EDA: variants seen among roughly 807,000 people sequenced by gnomAD.
EDA encodes the protein ectodysplasin-A.
Under a neutral mutation model 23.6 loss-of-function variants are expected in EDA, and 2 were observed. The observed-to-expected ratio is 0.08, with a 90% CI of 0.03 to 0.27. The LOEUF (loss-of-function observed/expected upper bound fraction) is 0.27, where lower values mean the gene tolerates loss of function less well. EDA is among the 10% of genes least tolerant of loss of function. The pLI is 1.00. For synonymous variants in EDA, 131 were observed against 132.0 expected (o/e 0.99, Z 0.05); for missense variants, 229 against 324.2 (o/e 0.71, Z 2.26).
chrX:70,003,823 A>G (rs761741074), intron 2 of EDA, among the ~76,000 whole-genome samples: 30 of 112,085 alleles, frequency 2.7e-4, no homozygotes, highest in Non-Finnish European at 4.9e-4. Context: ...TTCCTTAACC[A>G]TGTGTTTCCC....
At chrX:69,977,968 A>G in intron 2 of EDA, among the ~76,000 whole-genome samples, 1 of 110,741 alleles carries the variant, frequency 9.0e-6, no homozygotes. Flanking sequence ...ACTAAATACC[A>G]TATAAATATG....
intron 2 of EDA, among the ~76,000 whole-genome samples, chrX:69,975,730 CTT>C (rs1410479864): frequency 1.8e-5 from 2 of 111,756 alleles, no homozygotes; most frequent in Non-Finnish European, 3.8e-5. Context: ...ATTTCAAAGA[CTT>C]AGTACCAAAA....
chrX:69,970,262 T>C (rs1182588651), intron 2 of EDA, among the ~76,000 whole-genome samples: 1 of 112,962 alleles, frequency 8.9e-6, no homozygotes, highest in Non-Finnish European at 1.9e-5. Context: ...GGCCAAGTCA[T>C]GTAACCTCTC....
intron 1 of EDA, among the ~76,000 whole-genome samples, chrX:69,867,933 A>T (rs868162719): frequency 8.0e-5 from 9 of 112,164 alleles, no homozygotes; most frequent in African/African-American, 2.9e-4. Context: ...TAGATGGGTC[A>T]GAAAGCACCC....
intron 1 of EDA, among the ~76,000 whole-genome samples, chrX:69,693,889 G>A (rs1215508601): frequency 8.9e-6 from 1 of 111,826 alleles, no homozygotes; most frequent in East Asian, 2.8e-4. Flanking sequence ...ACTATTATGA[G>A]AACATACTCA....
intron 1 of EDA, among the ~76,000 whole-genome samples, chrX:69,675,895 G>T (rs1159209884): frequency 9.0e-6 from 1 of 111,569 alleles, no homozygotes; most frequent in Admixed American, 9.6e-5. Context: ...AACTGAGAAG[G>T]TGATATTTGA....
chrX:69,655,762 C>CTATATAAATATATATATATATATATA (rs1933292724), intron 1 of EDA, among the ~76,000 whole-genome samples: 10 of 52,503 alleles, frequency 1.9e-4, no homozygotes, highest in African/African-American at 1.1e-3. Context: ...TCATTAGAAT[C>CTATATAAATATATATATATATATATA]TATATATATA....
chrX:69,820,230 T>A (rs878927627), intron 1 of EDA, among the ~76,000 whole-genome samples: 3 of 112,053 alleles, frequency 2.7e-5, no homozygotes, highest in Non-Finnish European at 5.6e-5. Context: ...TTACACCATA[T>A]ACAAAAATTA....
At chrX:69,785,499 T>C (rs895926975) in intron 1 of EDA, among the ~76,000 whole-genome samples, 1 of 108,459 alleles carries the variant, frequency 9.2e-6, no homozygotes, top group African/African-American at 3.3e-5. Flanking sequence ...GTTTTTAGCA[T>C]GAAGGGTTGT....
At chrX:69,826,027 C>T (rs2016420660) in intron 1 of EDA, among the ~76,000 whole-genome samples, 1 of 108,255 alleles carries the variant, frequency 9.2e-6, no homozygotes, top group South Asian at 4.2e-4. Context: ...CATTCTTAAT[C>T]CTGCGTTCTA....
At chrX:69,868,856 C>G (rs1212775288) in intron 1 of EDA, among the ~76,000 whole-genome samples, 1 of 112,143 alleles carries the variant, frequency 8.9e-6, no homozygotes, top group Admixed American at 9.4e-5. Context: ...AATGAAACCA[C>G]ATCTGGTACA....
chrX:69,999,511 G>A (rs772878115), intron 2 of EDA, among the ~76,000 whole-genome samples: 388 of 108,881 alleles, frequency 3.6e-3, no homozygotes, highest in Non-Finnish European at 5.4e-3. Flanking sequence ...ACCTACTCGG[G>A]AGGCTGAGGC....
chrX:69,927,635 T>C (rs2018541135), intron 1 of EDA, among the ~76,000 whole-genome samples: 1 of 111,337 alleles, frequency 9.0e-6, no homozygotes, highest in Non-Finnish European at 1.9e-5. Flanking sequence ...GTCTTGGGGT[T>C]GATCTTCTCA....
intron 1 of EDA, among the ~76,000 whole-genome samples, chrX:69,680,828 G>T: frequency 2.9e-5 from 3 of 103,499 alleles, no homozygotes; most frequent in Admixed American, 1.1e-4. Context: ...TACATTTAAA[G>T]TTAATACTGT....
chrX:69,840,818 A>G (rs1289606152), intron 1 of EDA, among the ~76,000 whole-genome samples: 1 of 111,984 alleles, frequency 8.9e-6, no homozygotes, highest in Non-Finnish European at 1.9e-5. Flanking sequence ...TTGTTGCTGC[A>G]TTCTCTGGCA....
chrX:70,031,206 T>C (rs1446965896), intron 6 of EDA, among the ~76,000 whole-genome samples: 1 of 112,518 alleles, frequency 8.9e-6, no homozygotes, highest in Non-Finnish European at 1.9e-5. Context: ...GAGCTCCTTT[T>C]TACAAGACAG....
intron 1 of EDA, among the ~76,000 whole-genome samples, chrX:69,778,432 T>A: frequency 8.9e-6 from 1 of 111,741 alleles, no homozygotes; most frequent in Non-Finnish European, 1.9e-5. Flanking sequence ...CACTAAAGGT[T>A]TAAGAGTCTG....
chrX:69,889,208 T>G lies in EDA; in HGVS notation c.397-67819T>G, dbSNP rs775602785. 6.4e-4 allele frequency among the ~76,000 whole-genome samples: 68 copies of G among 106,257 alleles called. No homozygotes were observed. The South Asian group carries it at 0.011, about 17-fold the overall frequency. The allele number at this position is 106,257 out of a possible 115,157, so 92.3% of individuals were successfully genotyped here. A position where few individuals can be genotyped will look rare whatever the true frequency, so the allele number is the denominator to read the frequency against. On this transcript the variant is annotated intron_variant, in intron 1 of 7. Coordinates refer to ENST00000374552, the MANE Select transcript of EDA (RefSeq NM_001399.5). Reference sequence around the variant, plus strand: ...TGTTTCCCAGACTGAAGTGCAGTGGTGCAATCATGGATCACTGCAGCTTTG... The same window carrying G: ...TGTTTCCCAGACTGAAGTGCAGTGGGGCAATCATGGATCACTGCAGCTTTG...
intron 3 of EDA, among the ~76,000 whole-genome samples, chrX:70,025,921 T>C (rs1171948255): frequency 8.9e-6 from 1 of 111,808 alleles, no homozygotes; most frequent in African/African-American, 3.3e-5. Context: ...CATGGTTTCA[T>C]TCCAAATGCA....
Sources: gnomAD v4.1 joint callset for allele counts (sites outside exome capture counted in the v4.1 genomes callset) on GRCh38, gnomAD v4.1.1 for gene constraint, MANE v1.5 for transcripts, NCBI Gene and HGNC (gene_info 2026-07-23, HGNC 2026-07-21) for gene names.